The following TLL2 variants were observed in gnomAD, a reference collection of about 807,000 sequenced individuals.
TLL2 encodes tolloid-like protein 2.
Under a neutral mutation model 123.0 loss-of-function variants are expected in TLL2, and 106 were observed. The ratio of observed to expected loss-of-function variants is 0.86; its 90% CI spans 0.74 to 1.01. The LOEUF (loss-of-function observed/expected upper bound fraction) is 1.01. Ranked by LOEUF, TLL2 falls within the 50% of genes least tolerant of loss-of-function variation. The pLI, the probability that TLL2 is intolerant of heterozygous loss-of-function variation, is 0.00. For synonymous variants in TLL2, 494 were observed against 516.8 expected (o/e 0.96, Z 0.60); for missense variants, 1,332 against 1,336.7 (o/e 1.00, Z 0.06).
At chr10:96,485,998 A>G (rs1161147908) in intron 1 of TLL2, among the ~76,000 whole-genome samples, 1 of 152,190 alleles carries the variant, frequency 6.6e-6, no homozygotes, top group Non-Finnish European at 1.5e-5. Context: ...AGAAGGGAAC[A>G]GATGAACGGG....
intron 10 of TLL2, among the ~76,000 whole-genome samples, chr10:96,398,868 CTTTT>C (rs3033618): frequency 5.6e-5 from 6 of 107,736 alleles, no homozygotes; most frequent in Admixed American, 5.2e-4. Flanking sequence ...TGAAAATATT[CTTTT>C]TTTTTTTTTT....
chr10:96,451,499 A>T (rs1451045564), intron 2 of TLL2, among the ~76,000 whole-genome samples: 1 of 152,194 alleles, frequency 6.6e-6, no homozygotes, highest in East Asian at 1.9e-4. Context: ...AGTGACTATG[A>T]ATTCATATTC....
intron 10 of TLL2, among the ~76,000 whole-genome samples, chr10:96,404,423 C>T (rs1303581501): frequency 7.9e-5 from 12 of 152,146 alleles, no homozygotes; most frequent in Non-Finnish European, 1.8e-4. Context: ...ATAGCTAAAC[C>T]AAGAACAACA....
chr10:96,378,459 A>G (rs899969863), intron 17 of TLL2, among the ~76,000 whole-genome samples: 10 of 152,264 alleles, frequency 6.6e-5, no homozygotes, highest in African/African-American at 2.4e-4. Flanking sequence ...CCTATTTTCC[A>G]ATGGGACCTG....
At chr10:96,369,703 G>A (rs1444989513) in intron 20 of TLL2, among the ~76,000 whole-genome samples, 1 of 150,436 alleles carries the variant, frequency 6.6e-6, no homozygotes, top group Non-Finnish European at 1.5e-5. Context: ...AGAGGTTGCA[G>A]TGAGCCGAGA....
At chr10:96,373,147 T>A (rs1018399327) in intron 19 of TLL2, 3 of 153,978 alleles carry the variant, frequency 1.9e-5, no homozygotes, top group Admixed American at 6.4e-5. Context: ...CATTTTATTT[T>A]TTTTATTTTT....
chr10:96,433,198 A>C (rs1187479235), intron 3 of TLL2, among the ~76,000 whole-genome samples: 3 of 152,112 alleles, frequency 2.0e-5, no homozygotes, highest in Non-Finnish European at 4.4e-5. Context: ...TGAGGCCTTG[A>C]GAGAGGTCAC....
chr10:96,502,000 G>A (rs1847537633), intron 1 of TLL2, among the ~76,000 whole-genome samples: 1 of 152,110 alleles, frequency 6.6e-6, no homozygotes, highest in Non-Finnish European at 1.5e-5. Context: ...GTTACAGATT[G>A]TAAAGAGTGC....
intron 3 of TLL2, among the ~76,000 whole-genome samples, chr10:96,433,877 G>A (rs1846768910): frequency 6.6e-6 from 1 of 152,150 alleles, no homozygotes; most frequent in Non-Finnish European, 1.5e-5. Flanking sequence ...CCGGGTTCAA[G>A]CGATTCTCCT....
rs541294572 is a variant in TLL2 at position 96,393,153 on chromosome 10, C to G, written c.1726+2034G>C. On this transcript the variant is annotated intron_variant, in intron 13 of 20. Transcript: ENST00000357947. Reference sequence around the variant, plus strand: ...TCAAGAAGGAATGCAGCCCTGCCATCCCCTTGATTTTATCCCAGTGAGACC... The same window carrying G: ...TCAAGAAGGAATGCAGCCCTGCCATGCCCTTGATTTTATCCCAGTGAGACC... Among the ~76,000 whole-genome samples the G allele has an allele frequency of 2.2e-4, 33 of 152,304 alleles. 1 individual carries two copies. The South Asian group carries it at 4.8e-3, about 22-fold the overall frequency.
At chr10:96,374,950 G>A (rs890790133) in intron 18 of TLL2, among the ~76,000 whole-genome samples, 2 of 98,948 alleles carry the variant, frequency 2.0e-5, no homozygotes, top group African/African-American at 9.4e-5. Flanking sequence ...AGGGAGACAG[G>A]ACATTAGTTG....
Position 96,481,453 on chromosome 10 carries a change from T to C in TLL2, c.176-994A>G, listed in dbSNP as rs150436246. 7.4e-3 allele frequency among the ~76,000 whole-genome samples: 1,120 copies of C among 152,348 alleles called. 9 individuals are homozygous for C. Among genetic ancestry groups the C allele is most frequent in the Non-Finnish European group, 0.011 (718 of 68,034 alleles). The stretch of plus-strand genomic sequence containing the variant: ...TCTTCTGAGATTCATGGGCATTCAT[T>C]ACTGGAGCACAGTCTCTTTATCCTC... On this transcript the variant is annotated intron_variant, in intron 1 of 20. Transcript: ENST00000357947.
At position 96,420,953 on chromosome 10, in the gene TLL2, G is replaced by A. The variant is rs772862366; in HGVS notation, c.923+3C>T. The stretch of plus-strand genomic sequence containing the variant: ...CAGACGAGGCATAAGCATAGATTCC[G>A]ACCTTGAGAAGGTGTTCCGGGCGTA... On this transcript the variant is annotated splice_donor_region_variant and intron_variant, in intron 7 of 20. Coordinates refer to ENST00000357947, the MANE Select transcript of TLL2 (RefSeq NM_012465.4). The A allele has an allele frequency of 6.8e-6, 11 of 1,613,530 alleles. No individual in the cohort carries two copies. The highest frequency in any genetic ancestry group is 4.4e-5 in the South Asian group (4 of 91,048).
intron 11 of TLL2, among the ~76,000 whole-genome samples, chr10:96,396,436 T>C (rs1440142363): frequency 1.3e-5 from 2 of 150,518 alleles, no homozygotes; most frequent in African/African-American, 5.0e-5. Context: ...CGCGCACACG[T>C]GCACACATGC....
chr10:96,376,623 C>CAG, intron 18 of TLL2, 69 bp downstream of exon 18: 1 of 1,549,178 alleles, frequency 6.5e-7, no homozygotes, highest in Non-Finnish European at 8.8e-7. Flanking sequence ...AGTGGCAGAG[C>CAG]AGAGACTCAA....
At chr10:96,414,649 A>C (rs931463054) in intron 7 of TLL2, among the ~76,000 whole-genome samples, 1 of 152,088 alleles carries the variant, frequency 6.6e-6, no homozygotes, top group Non-Finnish European at 1.5e-5. Flanking sequence ...TTTCCAGCCC[A>C]GGATCCTCTG....
chr10:96,387,752 A>T (rs1226234451), intron 13 of TLL2, among the ~76,000 whole-genome samples: 1 of 152,292 alleles, frequency 6.6e-6, no homozygotes, highest in East Asian at 1.9e-4. Flanking sequence ...GTTTGGGGCG[A>T]CTAAATAACA....
intron 9 of TLL2, among the ~76,000 whole-genome samples, chr10:96,405,829 T>C (rs768834141): frequency 9.9e-5 from 15 of 152,208 alleles, no homozygotes; most frequent in Non-Finnish European, 1.9e-4. Flanking sequence ...ATGACCTTCC[T>C]ACAGTTAGTC....
chr10:96,451,192 TTTTC>T (rs1564909847), intron 2 of TLL2, among the ~76,000 whole-genome samples: 1 of 152,234 alleles, frequency 6.6e-6, no homozygotes, highest in Non-Finnish European at 1.5e-5. Context: ...AGCTGTTCTT[TTTTC>T]TAATTCACCA....
Sources: allele counts gnomAD v4.1 joint callset (sites outside exome capture counted in the v4.1 genomes callset), GRCh38; gene constraint gnomAD v4.1.1; transcripts MANE v1.5; gene names NCBI Gene and HGNC (gene_info 2026-07-23, HGNC 2026-07-21).